CEP63: variants seen among roughly 807,000 people sequenced by gnomAD.
The protein encoded by CEP63 is centrosomal protein 63.
In CEP63, 84 loss-of-function variants were observed where a neutral mutation model predicts 89.1. The observed-to-expected ratio is 0.94, with a 90% CI of 0.79 to 1.13. The LOEUF (loss-of-function observed/expected upper bound fraction) is 1.13, where lower values mean the gene tolerates loss of function less well. Among genes scored for constraint, CEP63 ranks in the 50% most tolerant of loss-of-function variants. The pLI is 0.00. For synonymous variants in CEP63, 267 were observed against 272.5 expected (o/e 0.98, Z 0.20); for missense variants, 838 against 813.3 (o/e 1.03, Z -0.37).
rs377327281 is a variant in CEP63, at chr3:134,547,561, T to TAAA, written c.1067+95_1067+97dup. The TAAA allele has an allele frequency of 8.5e-3, 9,382 of 1,099,412 alleles. 46 individuals carry two copies. Among genetic ancestry groups the TAAA allele is most frequent in the Non-Finnish European group, 0.011 (8,066 of 753,064 alleles). 68.1% of individuals were successfully genotyped at this position (1,099,412 alleles called of 1,614,324 possible). On this transcript the variant is annotated intron_variant, in intron 9 of 14. Transcript: ENST00000675561. ...TTGTAAATGAATGTAATAGTCATAG[T>TAAA]AAAAAAAATAAGATTTTTTTCTAGT...
chr3:134,600,594 C>T, the CEP63 span, among the ~76,000 whole-genome samples: 1 of 152,186 alleles, frequency 6.6e-6, no homozygotes, highest in Non-Finnish European at 1.5e-5. Context: ...CTGCCCACCA[C>T]TCCTCCACCC....
At chr3:134,596,337 T>C in the CEP63 span, among the ~76,000 whole-genome samples, 1 of 152,192 alleles carries the variant, frequency 6.6e-6, no homozygotes, top group East Asian at 1.9e-4. Context: ...ACTTGTTCTA[T>C]CTTCCAAGTA....
Position 134,486,176 on chromosome 3 carries a change from G to A in CEP63, c.-52G>A, listed in dbSNP as rs779024209. 45 of 985,576 alleles carry A rather than the reference G, an allele frequency of 4.6e-5. No homozygotes were observed. The highest frequency in any genetic ancestry group is 5.4e-5 in the Non-Finnish European group (45 of 830,010). 61.1% of individuals were successfully genotyped at this position (985,576 alleles called of 1,614,324 possible). A position where few individuals can be genotyped will look rare whatever the true frequency, so the allele number is the denominator to read the frequency against. On this transcript the variant is annotated 5_prime_UTR_variant, in exon 1 of 15. Coordinates refer to ENST00000675561, the MANE Select transcript of CEP63 (RefSeq NM_001353108.3). ...AGAGGCTGGACGTAAGCTTAGCGGT[G>A]GCGCGCGTGCGCAGCGCCGGCCCGA...
the CEP63 span, among the ~76,000 whole-genome samples, chr3:134,739,704 T>TG: frequency 3.5e-4 from 28 of 80,768 alleles, no homozygotes; most frequent in South Asian, 5.7e-3. Context: ...TCAATGCTTG[T>TG]TTTTTTTTTT....
chr3:134,766,865 C>G, the CEP63 span, among the ~76,000 whole-genome samples: 1 of 152,214 alleles, frequency 6.6e-6, no homozygotes, highest in Non-Finnish European at 1.5e-5. Flanking sequence ...ACCTGGCACC[C>G]ACATTTCACT....
At chr3:134,763,270 C>T in the CEP63 span, among the ~76,000 whole-genome samples, 3 of 152,000 alleles carry the variant, frequency 2.0e-5, no homozygotes, top group Non-Finnish European at 4.4e-5. Flanking sequence ...GTGATGTTCC[C>T]CTTCCTGTGT....
chr3:134,546,616 C>A (rs1402544911), intron 8 of CEP63, among the ~76,000 whole-genome samples: 2 of 152,206 alleles, frequency 1.3e-5, no homozygotes, highest in Non-Finnish European at 2.9e-5. Context: ...CTCAGCCTCC[C>A]AAAGTGCTGG....
chr3:134,699,639 G>T, the CEP63 span, among the ~76,000 whole-genome samples: 2 of 152,120 alleles, frequency 1.3e-5, no homozygotes, highest in Admixed American at 1.3e-4. Flanking sequence ...TCGTCCTCAC[G>T]GTTCTATGTG....
chr3:134,701,535 TTGAG>T, the CEP63 span, among the ~76,000 whole-genome samples: 4 of 151,108 alleles, frequency 2.6e-5, no homozygotes, highest in African/African-American at 9.7e-5. Flanking sequence ...TCTTGAATGA[TTGAG>T]TAAAATACTA....
At chr3:134,689,048 G>A in the CEP63 span, among the ~76,000 whole-genome samples, 2 of 152,180 alleles carry the variant, frequency 1.3e-5, no homozygotes. Context: ...GTTTAGTGAT[G>A]GTTGGGCACA....
At chr3:134,669,951 A>C in the CEP63 span, among the ~76,000 whole-genome samples, 1 of 152,210 alleles carries the variant, frequency 6.6e-6, no homozygotes, top group Admixed American at 6.5e-5. Flanking sequence ...TCATAAGGAC[A>C]GAGCCCTTCT....
the CEP63 span, among the ~76,000 whole-genome samples, chr3:134,737,280 A>G: frequency 0.039 from 6,007 of 152,278 alleles, 406 homozygotes; most frequent in African/African-American, 0.14. Flanking sequence ...CACAAAATCT[A>G]ATAAGAAAGA....
the CEP63 span, among the ~76,000 whole-genome samples, chr3:134,759,969 G>A: frequency 1.1e-3 from 170 of 151,836 alleles, 1 homozygote; most frequent in Non-Finnish European, 2.1e-3. Flanking sequence ...ATTAGAACCC[G>A]TGTTTAGATT....
the CEP63 span, among the ~76,000 whole-genome samples, chr3:134,677,788 C>G: frequency 7.4e-4 from 112 of 152,148 alleles, 2 homozygotes; most frequent in South Asian, 0.023. Context: ...TGGAAGCACC[C>G]CCATGGACGC....
the CEP63 span, among the ~76,000 whole-genome samples, chr3:134,721,416 C>T: frequency 6.6e-6 from 1 of 151,970 alleles, no homozygotes; most frequent in Non-Finnish European, 1.5e-5. Context: ...TGTAATCTAC[C>T]AGCAGATTTT....
chr3:134,782,109 A>G, the CEP63 span, among the ~76,000 whole-genome samples: 1 of 152,198 alleles, frequency 6.6e-6, no homozygotes, highest in South Asian at 2.1e-4. Flanking sequence ...GTTTTAATCA[A>G]ATATTCTGTC....
chr3:134,757,778 C>T, the CEP63 span, among the ~76,000 whole-genome samples: 1 of 152,090 alleles, frequency 6.6e-6, no homozygotes, highest in Non-Finnish European at 1.5e-5. Context: ...TTGGGGGTCC[C>T]CACCAAAGGT....
chr3:134,651,174 G>T, the CEP63 span: 1 of 1,404,286 alleles, frequency 7.1e-7, no homozygotes, highest in Non-Finnish European at 9.3e-7. Flanking sequence ...CTAATGAAGC[G>T]GCTCTAAGTC....
At chr3:134,531,591 A>G (rs953232916) in intron 3 of CEP63, among the ~76,000 whole-genome samples, 3 of 152,180 alleles carry the variant, frequency 2.0e-5, no homozygotes, top group Non-Finnish European at 4.4e-5. Flanking sequence ...AAAAAGAAAA[A>G]AAGAAAAAGA....
Sources: gnomAD v4.1 joint callset for allele counts (sites outside exome capture counted in the v4.1 genomes callset) on GRCh38, gnomAD v4.1.1 for gene constraint, MANE v1.5 for transcripts, NCBI Gene and HGNC (gene_info 2026-07-23, HGNC 2026-07-21) for gene names.